The following KLC4 variants were observed in gnomAD, a reference collection of about 807,000 sequenced individuals.
The protein encoded by KLC4 is kinesin-like protein 8.
In KLC4, 49 loss-of-function variants were observed where a neutral mutation model predicts 77.2. The observed-to-expected ratio is 0.63, with a 90% CI of 0.50 to 0.80. The LOEUF (loss-of-function observed/expected upper bound fraction) is 0.80, where lower values mean the gene tolerates loss of function less well. Among genes scored for constraint, KLC4 ranks in the 30% least tolerant of loss-of-function variants. The pLI is 0.00. For missense variants in KLC4, 669 were observed against 793.5 expected (o/e 0.84, Z 1.89); for synonymous variants, 274 against 314.5 (o/e 0.87, Z 1.36).
Position 43,073,940 on chromosome 6 carries a change from A to G in KLC4, c.1784A>G (p.Asn595Ser). 1.9e-6 allele frequency: 3 copies of G among 1,613,314 alleles called. No homozygotes were observed. The South Asian group carries it at 3.3e-5, about 18-fold the overall frequency. ...CGAGCAGCCTCCTTGAACTATCTGA[A>G]CCAACCTAGTGCAGCACCCCTCCAG... ...MKRAASLNYL[N>S]QPSAAPLQVS... is the part of the protein sequence containing the mutation. Residue 595 changes from asparagine to serine, a missense_variant, in exon 15 of 16, where the codon AAC becomes AGC. Asn to Ser is a conservative substitution (Grantham distance 46). Transcript: ENST00000347162.
intron 2 of KLC4, 88 bp from the exon 3 acceptor site, chr6:43,062,829 G>A: frequency 9.2e-7 from 1 of 1,090,044 alleles, no homozygotes; most frequent in Non-Finnish European, 1.4e-6. Context: ...GCCCCTGCCA[G>A]TCTTGCCACG....
At chr6:43,060,141 A>T in intron 1 of KLC4, 1 of 1,599,840 alleles carries the variant, frequency 6.3e-7, no homozygotes, top group South Asian at 1.1e-5. Context: ...ATCATCGGGC[A>T]TTGTGGAGGC....
At chr6:43,068,067 C>G (rs112858855) in intron 6 of KLC4, among the ~76,000 whole-genome samples, 7,774 of 83,888 alleles carry the variant, frequency 0.093, 706 homozygotes, top group Middle Eastern at 0.13. Flanking sequence ...AGCCGAGATC[C>G]CGCCACTGCA....
At chr6:43,065,450 A>G (rs1765371553) in intron 3 of KLC4, 170 bp from the exon 4 acceptor site, 1 of 544,256 alleles carries the variant, frequency 1.8e-6, no homozygotes, top group Non-Finnish European at 3.3e-6. Context: ...GTTACAAACA[A>G]GAGGCCTGAG....
chr6:43,062,825 G>C, intron 2 of KLC4, 92 bp from the exon 3 acceptor site: 1 of 1,015,918 alleles, frequency 9.8e-7, no homozygotes, highest in Non-Finnish European at 1.5e-6. Context: ...CTGTGCCCCT[G>C]CCAGTCTTGC....
intron 2 of KLC4, 82 bp from the exon 3 acceptor site, chr6:43,062,835 C>A: frequency 1.7e-6 from 2 of 1,184,430 alleles, no homozygotes; most frequent in Non-Finnish European, 2.5e-6. Context: ...GCCAGTCTTG[C>A]CACGTCCCAG....
At chr6:43,060,174 A>G in intron 1 of KLC4, 1 of 1,613,138 alleles carries the variant, frequency 6.2e-7, no homozygotes, top group Non-Finnish European at 8.5e-7. Flanking sequence ...TTCCTCTCAG[A>G]GCCTGTTTGT....
chr6:43,070,968 A>G (rs1765693315), intron 8 of KLC4, 103 bp downstream of exon 8: 1 of 1,102,910 alleles, frequency 9.1e-7, no homozygotes, highest in East Asian at 2.6e-5. Flanking sequence ...TAGAGTCAGG[A>G]AGCATCACAG....
chr6:43,070,131 C>T (rs1387634296), intron 6 of KLC4, among the ~76,000 whole-genome samples: 1 of 151,352 alleles, frequency 6.6e-6, no homozygotes, highest in African/African-American at 2.4e-5. Context: ...AAAACACCTC[C>T]AGAAATTTCT....
chr6:43,065,500 C>G (rs943039981), intron 3 of KLC4, 120 bp from the exon 4 acceptor site: 1 of 649,416 alleles, frequency 1.5e-6, no homozygotes, highest in African/African-American at 1.8e-5. Context: ...GGGGCAGAGA[C>G]AGGAACAACA....
At chr6:43,070,643 C>A in intron 7 of KLC4, 49 bp from the exon 8 acceptor site, 1 of 1,574,890 alleles carries the variant, frequency 6.3e-7, no homozygotes, top group South Asian at 1.1e-5. Context: ...TGTGCTTGTG[C>A]ACACACATGT....
chr6:43,071,176 C>A, intron 8 of KLC4, 99 bp from the exon 9 acceptor site: 1 of 728,194 alleles, frequency 1.4e-6, no homozygotes. Context: ...AGTGGAACTC[C>A]CTGAGCCTGG....
intron 1 of KLC4, chr6:43,060,254 C>CT: frequency 6.2e-7 from 1 of 1,614,130 alleles, no homozygotes. Context: ...CCTCCCTCCC[C>CT]TTTCCCAGAC....
chr6:43,070,453 A>G lies in KLC4; in HGVS notation c.979A>G (p.Lys327Glu), dbSNP rs757270334. The change falls in exon 7 of 16, where the codon AAG becomes GAG. Residue 327 changes from lysine (K) to glutamate (E), a missense_variant and splice_region_variant. By Grantham distance (56) the Lys-to-Glu change is moderately conservative (BLOSUM62 1). Coordinates refer to ENST00000347162, the MANE Select transcript of KLC4 (RefSeq NM_201521.3). ...LCQRALEIRE[K>E]VLGTNHPDVA... The stretch of plus-strand genomic sequence containing the variant: ...CCAGCGGGCACTGGAGATTCGAGAA[A>G]AGGTACCCATGCCCTCTCTCCCTTC... 1.9e-6 allele frequency: 3 copies of G among 1,609,560 alleles called. No homozygotes were observed. The highest frequency in any genetic ancestry group is 1.1e-5 in the South Asian group (1 of 90,960).
intron 2 of KLC4, among the ~76,000 whole-genome samples, chr6:43,062,060 G>T (rs1765191687): frequency 6.6e-6 from 1 of 152,236 alleles, no homozygotes; most frequent in African/African-American, 2.4e-5. Flanking sequence ...CCTAAGCACA[G>T]AGAGCAGCAA....
chr6:43,061,566 CAT>C lies in KLC4; in HGVS notation c.232_233del (p.Ile78Ter). On this transcript the variant is annotated frameshift_variant, in exon 2 of 16. Transcript: ENST00000347162. LOFTEE classifies it high-confidence loss of function. ...ARQLRRSMEN[I>X]ELGLSEAQVM... ...GGCAGCTTCGCCGTTCTATGGAAAA[CAT>C]TGAGCTCGGGCTGAGTGAGGCCCAG... is the stretch of plus-strand genomic sequence containing the variant. The C allele has an allele frequency of 6.2e-7, 1 of 1,612,720 alleles. No individual in the cohort carries two copies. Among genetic ancestry groups the C allele is most frequent in the Non-Finnish European group, 8.5e-7 (1 of 1,178,988 alleles).
chr6:43,067,262 T>G, intron 6 of KLC4, 179 bp downstream of exon 6: 1 of 1,281,706 alleles, frequency 7.8e-7, no homozygotes, highest in Non-Finnish European at 1.0e-6. Flanking sequence ...CTCAATTCTC[T>G]GAGACTCAGT....
At chr6:43,074,455 C>T in intron 15 of KLC4, 167 bp from the exon 16 acceptor site, 2 of 643,394 alleles carry the variant, frequency 3.1e-6, no homozygotes, top group Non-Finnish European at 5.5e-6. Context: ...TCTGGAAAAC[C>T]CTAGCAGAGG....
intron 1 of KLC4, 109 bp downstream of exon 1, chr6:43,059,794 C>A: frequency 8.5e-7 from 1 of 1,175,732 alleles, no homozygotes; most frequent in Non-Finnish European, 1.1e-6. Flanking sequence ...TTACAAAACT[C>A]CAGCCTCCAA....
Sources: gnomAD v4.1 joint callset for allele counts (sites outside exome capture counted in the v4.1 genomes callset) on GRCh38, gnomAD v4.1.1 for gene constraint, MANE v1.5 for transcripts, NCBI Gene and HGNC (gene_info 2026-07-23, HGNC 2026-07-21) for gene names.